Variants in ASAP1 observed in about 807,000 individuals in gnomAD.
ASAP1 encodes arf-GAP with SH3 domain, ANK repeat and PH domain-containing protein 1.
In ASAP1, 43 loss-of-function variants were observed where a neutral mutation model predicts 145.2. That is an observed-to-expected ratio of 0.30 (90% CI 0.23 to 0.38). The LOEUF is 0.38. Ranked by LOEUF, ASAP1 falls within the 10% of genes least tolerant of loss-of-function variation. The pLI, the probability that ASAP1 is intolerant of heterozygous loss-of-function variation, is 1.00. For missense variants in ASAP1, 1,018 were observed against 1,355.3 expected, an observed-to-expected ratio of 0.75 and a Z score of 3.91; for synonymous variants, 546 against 515.5, an observed-to-expected ratio of 1.06 and a Z score of -0.80.
intron 25 of ASAP1, among the ~76,000 whole-genome samples, chr8:130,086,789 A>G (rs1248783060): frequency 6.6e-6 from 1 of 152,096 alleles, no homozygotes; most frequent in Non-Finnish European, 1.5e-5. Flanking sequence ...GGGTGACAGA[A>G]TAAGACCCTG....
At chr8:130,106,616 C>T (rs2097537195) in intron 24 of ASAP1, among the ~76,000 whole-genome samples, 1 of 152,240 alleles carries the variant, frequency 6.6e-6, no homozygotes. Context: ...TCCTGGCCAC[C>T]TATTTCTGGG....
intron 3 of ASAP1, among the ~76,000 whole-genome samples, chr8:130,285,164 C>T (rs1003723808): frequency 2.6e-5 from 4 of 152,042 alleles, no homozygotes; most frequent in African/African-American, 9.7e-5. Context: ...AACCCACATT[C>T]ATTTTCCTAC....
At chr8:130,287,681 C>A (rs1164623104) in intron 3 of ASAP1, among the ~76,000 whole-genome samples, 1 of 152,220 alleles carries the variant, frequency 6.6e-6, no homozygotes, top group Non-Finnish European at 1.5e-5. Context: ...TAAGCCCTAT[C>A]TCACAAGTTT....
chr8:130,366,800 A>G (rs2138243735), intron 2 of ASAP1, among the ~76,000 whole-genome samples: 1 of 152,140 alleles, frequency 6.6e-6, no homozygotes, highest in South Asian at 2.1e-4. Context: ...AATGCTTAGC[A>G]CAGTGCCTGG....
intron 3 of ASAP1, among the ~76,000 whole-genome samples, chr8:130,256,752 T>C (rs1169078728): frequency 2.4e-4 from 10 of 41,890 alleles, no homozygotes; most frequent in African/African-American, 8.4e-4. Flanking sequence ...TATATATATA[T>C]ATATATATAT....
At position 130,250,977 on chromosome 8, in the gene ASAP1, AC is replaced by A. The variant is rs1819161347; in HGVS notation, c.187-13984del. Among the ~76,000 whole-genome samples the A allele has an allele frequency of 2.6e-5, 4 of 152,218 alleles. No individual in the cohort carries two copies. In the South Asian group the frequency reaches 8.3e-4, roughly 31 times the overall value. On this transcript the variant is annotated intron_variant, in intron 3 of 29. Transcript: ENST00000518721. ...TCAAAGACTGGAATGTTTTAAAGAA[AC>A]ATGTTTAACTCTATACTCCAACAAT...
At chr8:130,391,944 C>G (rs1273851196) in intron 2 of ASAP1, among the ~76,000 whole-genome samples, 1 of 152,208 alleles carries the variant, frequency 6.6e-6, no homozygotes, top group Non-Finnish European at 1.5e-5. Context: ...GATTCCACAT[C>G]TAGTGGTACA....
intron 5 of ASAP1, among the ~76,000 whole-genome samples, chr8:130,209,152 G>A (rs1344837448): frequency 2.0e-5 from 3 of 152,046 alleles, no homozygotes; most frequent in Non-Finnish European, 2.9e-5. Flanking sequence ...AAAGGACTTT[G>A]CAGGTTACAA....
intron 12 of ASAP1, among the ~76,000 whole-genome samples, chr8:130,159,549 G>GAA (rs869060434): frequency 1.3e-4 from 11 of 84,168 alleles, no homozygotes; most frequent in Admixed American, 1.4e-4. Flanking sequence ...GTGAACTCAG[G>GAA]AAAAAAAAAA....
In ASAP1 at chr8:130,358,253, C is replaced by G. The variant is rs1408283219; in HGVS notation, c.60-110G>C. ...TGAACCCCGGCGCGCAGCCCGCCACCCGCCGCCCGGCCTGGCGCGCGGCTC... is the reference window on the plus strand; with the variant it reads ...TGAACCCCGGCGCGCAGCCCGCCACGCGCCGCCCGGCCTGGCGCGCGGCTC... On this transcript the variant is annotated intron_variant, in intron 2 of 29. Transcript: ENST00000518721. The surrounding 1 kb of genome is among the most constrained non-coding windows in gnomAD (Gnocchi z 4.1). 4.8e-6 allele frequency: 4 copies of G among 841,256 alleles called. No homozygotes were observed. The highest frequency in any genetic ancestry group is 6.0e-6 in the Non-Finnish European group (4 of 669,244). 52.1% of individuals were successfully genotyped at this position (841,256 alleles called of 1,614,324 possible). A position where few individuals can be genotyped will look rare whatever the true frequency, so the allele number is the denominator to read the frequency against.
intron 1 of ASAP1, among the ~76,000 whole-genome samples, chr8:130,438,804 A>C (rs1314201119): frequency 6.6e-6 from 1 of 152,152 alleles, no homozygotes; most frequent in Non-Finnish European, 1.5e-5. Context: ...GACACAGTGG[A>C]GGCTGACTCC....
chr8:130,272,759 A>C (rs1820661241), intron 3 of ASAP1, among the ~76,000 whole-genome samples: 1 of 152,210 alleles, frequency 6.6e-6, no homozygotes, highest in Non-Finnish European at 1.5e-5. Context: ...TAGAAAGAAC[A>C]ATATCTTATG....
chr8:130,194,406 A>G (rs565738234), intron 5 of ASAP1, among the ~76,000 whole-genome samples: 4 of 152,094 alleles, frequency 2.6e-5, no homozygotes, highest in African/African-American at 9.7e-5. Flanking sequence ...CCTTTCTTGG[A>G]GATCTCAAAG....
intron 9 of ASAP1, among the ~76,000 whole-genome samples, chr8:130,169,621 T>A (rs1277036217): frequency 6.6e-6 from 1 of 152,238 alleles, no homozygotes; most frequent in African/African-American, 2.4e-5. Flanking sequence ...GAAAGCTTTA[T>A]CCTACAACAC....
chr8:130,236,893 A>G, intron 4 of ASAP1, 29 bp downstream of exon 4: 1 of 1,434,870 alleles, frequency 7.0e-7, no homozygotes. Context: ...TTTATAATTC[A>G]TGTTACCTCA....
At chr8:130,082,501 C>CTTT (rs11414704) in intron 25 of ASAP1, among the ~76,000 whole-genome samples, 35 of 130,674 alleles carry the variant, frequency 2.7e-4, no homozygotes, top group African/African-American at 4.8e-4. Context: ...CACACGTGGC[C>CTTT]TTTTTTTTTT....
intron 2 of ASAP1, among the ~76,000 whole-genome samples, chr8:130,383,332 T>G (rs1319844782): frequency 1.3e-5 from 2 of 152,146 alleles, no homozygotes; most frequent in Non-Finnish European, 2.9e-5. Flanking sequence ...TCCCAGACTT[T>G]TTGTCGAAAA....
At position 130,076,664 on chromosome 8, in the gene ASAP1, G is replaced by A. The variant is rs890033825; in HGVS notation, c.2643-258C>T. Reference sequence around the variant, plus strand: ...GCCTCCTGAGTAGCTGGGATTACAGGTGCCCACCACCACACCCGGCTAATT... The same window carrying A: ...GCCTCCTGAGTAGCTGGGATTACAGATGCCCACCACCACACCCGGCTAATT... On this transcript the variant is annotated intron_variant, in intron 26 of 29. Coordinates refer to ENST00000518721, the MANE Select transcript of ASAP1 (RefSeq NM_018482.4). 9.7e-4 allele frequency among the ~76,000 whole-genome samples: 147 copies of A among 151,936 alleles called. 1 individual carries two copies. Among genetic ancestry groups the A allele is most frequent in the African/African-American group, 3.5e-3 (145 of 41,326 alleles).
intron 2 of ASAP1, among the ~76,000 whole-genome samples, chr8:130,400,312 C>G (rs1169808289): frequency 1.3e-5 from 2 of 152,176 alleles, no homozygotes; most frequent in African/African-American, 4.8e-5. Context: ...CCCGGCCTAG[C>G]TTTTCATGGT....
Sources: gnomAD v4.1 joint callset for allele counts (sites outside exome capture counted in the v4.1 genomes callset) on GRCh38, gnomAD v4.1.1 for gene constraint, Gnocchi (gnomAD v3.1) non-coding constraint, MANE v1.5 for transcripts, NCBI Gene and HGNC (gene_info 2026-07-23, HGNC 2026-07-21) for gene names.